Variants in VPS13B observed in about 807,000 individuals in gnomAD.
The protein encoded by VPS13B is vacuolar protein sorting 13 homolog B, also known as intermembrane lipid transfer protein VPS13B.
VPS13B carries 285 observed loss-of-function variants against 426.4 expected under a neutral mutation model. The observed-to-expected ratio is 0.67, with a 90% CI of 0.61 to 0.74. VPS13B has a LOEUF of 0.74. VPS13B is among the 30% of genes least tolerant of loss of function. The pLI is 0.00. For synonymous variants in VPS13B, 1,676 were observed against 1,676.4 expected, an observed-to-expected ratio of 1.00 and a Z score of 0.01; for missense variants, 4,537 against 4,782.6, an observed-to-expected ratio of 0.95 and a Z score of 1.51.
intron 24 of VPS13B, among the ~76,000 whole-genome samples, chr8:99,469,428 A>G (rs901686328): frequency 1.3e-5 from 2 of 152,028 alleles, no homozygotes; most frequent in African/African-American, 2.4e-5. Flanking sequence ...CTTCTGCTTC[A>G]GCCTCTCAAA....
At chr8:99,023,021 T>C (rs1267223261) in intron 2 of VPS13B, among the ~76,000 whole-genome samples, 1 of 151,914 alleles carries the variant, frequency 6.6e-6, no homozygotes, top group Non-Finnish European at 1.5e-5. Context: ...GACAAGGCGT[T>C]GCCCTGTTGC....
At chr8:99,873,799 C>T (rs962808603) in intron 61 of VPS13B, among the ~76,000 whole-genome samples, 1 of 152,192 alleles carries the variant, frequency 6.6e-6, no homozygotes, top group East Asian at 1.9e-4. Flanking sequence ...GCAGCACTGC[C>T]TTGTCAGTGA....
intron 31 of VPS13B, among the ~76,000 whole-genome samples, chr8:99,567,727 A>G (rs1825256807): frequency 6.6e-6 from 1 of 152,022 alleles, no homozygotes; most frequent in African/African-American, 2.4e-5. Flanking sequence ...CCTTATTATT[A>G]TACTTATCAT....
At chr8:99,481,840 TA>T in intron 25 of VPS13B, 38 bp downstream of exon 25, 1 of 1,604,654 alleles carries the variant, frequency 6.2e-7, no homozygotes, top group South Asian at 1.1e-5. Flanking sequence ...AAATGAAGGT[TA>T]ATATATAACA....
intron 24 of VPS13B, among the ~76,000 whole-genome samples, chr8:99,472,224 T>A (rs1819449000): frequency 6.6e-6 from 1 of 152,058 alleles, no homozygotes; most frequent in Non-Finnish European, 1.5e-5. Context: ...TAATTGAAGA[T>A]ATAGAAGATA....
Position 99,121,712 on chromosome 8 carries a change from T to G in VPS13B, c.1206+267T>G, listed in dbSNP as rs1847943833. The G allele has an allele frequency of 8.0e-6, 6 of 748,566 alleles. 1 individual carries two copies. The South Asian group carries it at 2.3e-4, about 29-fold the overall frequency. 46.4% of individuals were successfully genotyped at this position (748,566 alleles called of 1,614,324 possible). On this transcript the variant is annotated intron_variant, in intron 8 of 61. Coordinates refer to ENST00000357162, the MANE Select transcript of VPS13B (RefSeq NM_152564.5). ...TTGCCCTATTGAATCATTCAGTTGG[T>G]GTACAAACATGCCTTAATATTGTCA...
intron 34 of VPS13B, among the ~76,000 whole-genome samples, chr8:99,643,461 G>A (rs1829451435): frequency 6.6e-6 from 1 of 152,180 alleles, no homozygotes; most frequent in Admixed American, 6.5e-5. Flanking sequence ...TAGATGGCAG[G>A]TGTGGGAATC....
At chr8:99,105,195 G>A (rs771826729) in intron 5 of VPS13B, among the ~76,000 whole-genome samples, 136 of 152,168 alleles carry the variant, frequency 8.9e-4, no homozygotes, top group South Asian at 4.1e-4. Context: ...GCATAAAAGT[G>A]TAGGTAAGGC....
Position 99,076,381 on chromosome 8 carries a change from A to G in VPS13B, c.292-19931A>G, listed in dbSNP as rs1004647235. ...AATATCTGTTAAGTCTGTTTGGCTTATAGTGCAGTTTACATCTGATTTTTT... is the reference window on the plus strand; with the variant it reads ...AATATCTGTTAAGTCTGTTTGGCTTGTAGTGCAGTTTACATCTGATTTTTT... On this transcript the variant is annotated intron_variant, in intron 3 of 61. Coordinates refer to ENST00000357162, the MANE Select transcript of VPS13B (RefSeq NM_152564.5). Among the ~76,000 whole-genome samples the G allele has an allele frequency of 4.6e-5, 7 of 152,278 alleles. No homozygotes were observed. The East Asian group carries it at 1.4e-3, about 29-fold the overall frequency.
At chr8:99,799,644 C>T (rs995086193) in intron 43 of VPS13B, among the ~76,000 whole-genome samples, 11 of 152,262 alleles carry the variant, frequency 7.2e-5, no homozygotes, top group African/African-American at 2.6e-4. Context: ...AAGATAATTA[C>T]AGTTGTCCAC....
At chr8:99,523,473 A>G (rs1254885908) in intron 30 of VPS13B, among the ~76,000 whole-genome samples, 1 of 152,228 alleles carries the variant, frequency 6.6e-6, no homozygotes, top group African/African-American at 2.4e-5. Flanking sequence ...TGGCAGCCAC[A>G]GTGCTTGTGT....
rs182492131 is a variant in VPS13B at position 99,507,752 on chromosome 8, C to T, written c.4224+549C>T. On this transcript the variant is annotated intron_variant, in intron 28 of 61. Coordinates refer to ENST00000357162, the MANE Select transcript of VPS13B (RefSeq NM_152564.5). ...TTTTTGTCTTTTCACCTTCTTTGCTCCTGTCCATCACTTCAAGCCTTGGGG... is the reference window on the plus strand; with the variant it reads ...TTTTTGTCTTTTCACCTTCTTTGCTTCTGTCCATCACTTCAAGCCTTGGGG... 2,343 of 1,613,894 alleles carry T rather than the reference C, an allele frequency of 1.5e-3. 6 individuals are homozygous for T. The highest frequency in any genetic ancestry group is 2.3e-3 in the Middle Eastern group (14 of 6,058).
intron 43 of VPS13B, among the ~76,000 whole-genome samples, chr8:99,789,591 G>A (rs750983158): frequency 5.3e-5 from 8 of 152,122 alleles, no homozygotes; most frequent in Non-Finnish European, 1.2e-4. Context: ...TGGAGAGAAG[G>A]CAAATTAAAA....
chr8:99,470,266 A>G (rs944602777), intron 24 of VPS13B, among the ~76,000 whole-genome samples: 4 of 152,180 alleles, frequency 2.6e-5, no homozygotes, highest in African/African-American at 4.8e-5. Context: ...GATTATTCCT[A>G]TATACTCTAG....
chr8:99,468,542 A>T (rs1292962905), intron 24 of VPS13B, among the ~76,000 whole-genome samples: 1 of 152,016 alleles, frequency 6.6e-6, no homozygotes, highest in Non-Finnish European at 1.5e-5. Flanking sequence ...AATTTTTAAG[A>T]GTACTTTTTT....
Position 99,396,418 on chromosome 8 carries a change from G to A in VPS13B, c.3082+4714G>A, listed in dbSNP as rs887901623. Among the ~76,000 whole-genome samples the A allele has an allele frequency of 2.6e-5, 4 of 152,148 alleles. No homozygotes were observed. In the East Asian group the frequency reaches 5.8e-4, roughly 22 times the overall value. ...TAGGAAGAGATCAAGCAACTTATCC[G>A]AGGTTAAAAAGATATTTAATGAGAC... On this transcript the variant is annotated intron_variant, in intron 21 of 61. Transcript: ENST00000357162.
At chr8:99,695,502 A>G (rs1831927522) in intron 35 of VPS13B, among the ~76,000 whole-genome samples, 1 of 132,818 alleles carries the variant, frequency 7.5e-6, no homozygotes. Flanking sequence ...GAACAATGAG[A>G]TCACATGGAC....
intron 3 of VPS13B, among the ~76,000 whole-genome samples, chr8:99,055,696 GTACAGA>G (rs1433163892): frequency 6.6e-6 from 1 of 151,962 alleles, no homozygotes; most frequent in African/African-American, 2.4e-5. Flanking sequence ...TGTTGCTAGT[GTACAGA>G]TACACCACCA....
intron 21 of VPS13B, among the ~76,000 whole-genome samples, chr8:99,410,375 A>C (rs529877324): frequency 6.6e-6 from 1 of 152,100 alleles, no homozygotes; most frequent in African/African-American, 2.4e-5. Context: ...CTTACAATGC[A>C]CTTTGTGAAT....
Sources: gnomAD v4.1 joint callset for allele counts (sites outside exome capture counted in the v4.1 genomes callset) on GRCh38, gnomAD v4.1.1 for gene constraint, MANE v1.5 for transcripts, NCBI Gene and HGNC (gene_info 2026-07-23, HGNC 2026-07-21) for gene names.